CACNA2D1: variants seen among roughly 807,000 people sequenced by gnomAD.
CACNA2D1 encodes the protein voltage-dependent calcium channel subunit alpha-2/delta-1.
Under a neutral mutation model 171.5 loss-of-function variants are expected in CACNA2D1, and 53 were observed. The ratio of observed to expected loss-of-function variants is 0.31; its 90% confidence interval spans 0.25 to 0.39. CACNA2D1 has a LOEUF of 0.39. Among genes scored for constraint, CACNA2D1 ranks in the 10% least tolerant of loss-of-function variants. The pLI is 1.00. For synonymous variants in CACNA2D1, 442 were observed against 443.1 expected (o/e 1.00, Z 0.03); for missense variants, 903 against 1,299.8 (o/e 0.69, Z 4.69).
chr7:82,207,189 A>G (rs924867198), intron 3 of CACNA2D1, among the ~76,000 whole-genome samples: 4 of 152,194 alleles, frequency 2.6e-5, no homozygotes, highest in Non-Finnish European at 5.9e-5. Context: ...GGGAGCTGGT[A>G]GGTGTCAGAG....
intron 10 of CACNA2D1, among the ~76,000 whole-genome samples, chr7:82,042,941 T>C (rs969865696): frequency 1.3e-5 from 2 of 152,204 alleles, no homozygotes; most frequent in East Asian, 1.9e-4. Flanking sequence ...CTCTATTGGA[T>C]TATTAGCCCA....
Position 81,969,007 on chromosome 7 carries a change from A to G in CACNA2D1, c.2309-34T>C, listed in dbSNP as rs187344247. ...AAAATAAATAAATAAAACACCTATC[A>G]AGATATATTGAATAATAATATTGAT... On this transcript the variant is annotated intron_variant, in intron 28 of 38. Transcript: ENST00000356860. 4 of 1,120,546 alleles carry G rather than the reference A, an allele frequency of 3.6e-6. No individual in the cohort carries two copies. The African/African-American group carries it at 4.7e-5, about 13-fold the overall frequency. The allele number at this position is 1,120,546 out of a possible 1,614,324, so 69.4% of individuals were successfully genotyped here.
chr7:82,443,802 T>A, upstream of CACNA2D1: 2 of 907,050 alleles, frequency 2.2e-6, no homozygotes, highest in Non-Finnish European at 2.9e-6. Context: ...CCTCCCTGAT[T>A]TATTCCCCCG....
chr7:82,014,397 T>A lies in CACNA2D1; in HGVS notation c.1222+4A>T, dbSNP rs79571328. 391 of 1,505,462 alleles carry A rather than the reference T, an allele frequency of 2.6e-4. No individual in the cohort carries two copies. Among genetic ancestry groups the A allele is most frequent in the Non-Finnish European group, 3.4e-4 (366 of 1,081,270 alleles). 93.3% of individuals were successfully genotyped at this position (1,505,462 alleles called of 1,614,324 possible). On this transcript the variant is annotated splice_donor_region_variant and intron_variant, in intron 13 of 38. Coordinates refer to ENST00000356860, the MANE Select transcript of CACNA2D1 (RefSeq NM_000722.4). ...AATTTATTAGAAGAAAACAGATTTG[T>A]TACCTTTGTTTTCACAGGCCATCCA... is the stretch of plus-strand genomic sequence containing the variant.
chr7:82,192,474 G>T (rs369511466), intron 3 of CACNA2D1, among the ~76,000 whole-genome samples: 2 of 13,018 alleles, frequency 1.5e-4, no homozygotes, highest in Non-Finnish European at 3.3e-4. Flanking sequence ...GTGTGTGTGT[G>T]TGTGTGTGTG....
chr7:82,246,681 A>G (rs776558057), intron 3 of CACNA2D1, among the ~76,000 whole-genome samples: 5 of 152,178 alleles, frequency 3.3e-5, no homozygotes, highest in Non-Finnish European at 7.3e-5. Context: ...AGTTCACCCA[A>G]TAGCTAGTTG....
intron 7 of CACNA2D1, among the ~76,000 whole-genome samples, chr7:82,077,445 G>A (rs1809117585): frequency 6.6e-6 from 1 of 152,132 alleles, no homozygotes; most frequent in African/African-American, 2.4e-5. Flanking sequence ...AGACTCTAAG[G>A]CAGAGCCCAT....
At chr7:82,374,753 T>TA (rs1012961025) in intron 1 of CACNA2D1, among the ~76,000 whole-genome samples, 8 of 127,286 alleles carry the variant, frequency 6.3e-5, no homozygotes, top group African/African-American at 2.2e-4. Context: ...TTTGAAAATT[T>TA]AAAAAAAGAA....
intron 6 of CACNA2D1, among the ~76,000 whole-genome samples, chr7:82,092,383 T>C (rs1251898835): frequency 6.6e-6 from 1 of 152,036 alleles, no homozygotes; most frequent in Non-Finnish European, 1.5e-5. Flanking sequence ...GTCATTTTTT[T>C]TTTCTTGAGA....
intron 7 of CACNA2D1, among the ~76,000 whole-genome samples, chr7:82,077,154 A>G (rs1186487441): frequency 1.3e-5 from 2 of 152,320 alleles, no homozygotes; most frequent in African/African-American, 4.8e-5. Flanking sequence ...AAAGGCAGAA[A>G]CAACTTGTTA....
chr7:82,398,113 A>G (rs1164112343), intron 1 of CACNA2D1, among the ~76,000 whole-genome samples: 1 of 152,224 alleles, frequency 6.6e-6, no homozygotes, highest in East Asian at 1.9e-4. Flanking sequence ...AAACATTTAG[A>G]CTGTATGATG....
At position 82,311,236 on chromosome 7, in the gene CACNA2D1, G is replaced by A. The variant is rs1814426248; in HGVS notation, c.294+23899C>T. Among the ~76,000 whole-genome samples the A allele has an allele frequency of 2.6e-5, 4 of 151,840 alleles. No individual in the cohort carries two copies. In the South Asian group the frequency reaches 8.3e-4, roughly 32 times the overall value. ...TGCTTTTTGTCCATAAAAGCTTTTT[G>A]CAAATCCTAAAATGGTATGTCTTCA... On this transcript the variant is annotated intron_variant, in intron 3 of 38. Transcript: ENST00000356860.
chr7:82,003,110 T>C (rs958907212), intron 18 of CACNA2D1, among the ~76,000 whole-genome samples: 2 of 152,148 alleles, frequency 1.3e-5, no homozygotes, highest in Non-Finnish European at 2.9e-5. Context: ...TCAATCTGTA[T>C]AGCGTGCTCC....
intron 7 of CACNA2D1, among the ~76,000 whole-genome samples, chr7:82,079,173 A>G (rs1809373834): frequency 6.6e-6 from 1 of 152,190 alleles, no homozygotes; most frequent in Non-Finnish European, 1.5e-5. Context: ...GAAAATCATG[A>G]GAGTACTCTA....
At chr7:82,112,396 T>C (rs540381725) in intron 6 of CACNA2D1, among the ~76,000 whole-genome samples, 8 of 152,326 alleles carry the variant, frequency 5.3e-5, no homozygotes, top group African/African-American at 1.9e-4. Context: ...CAAAATATAT[T>C]TGATGACGCA....
At chr7:82,342,470 G>T (rs1383801267) in intron 2 of CACNA2D1, among the ~76,000 whole-genome samples, 1 of 152,116 alleles carries the variant, frequency 6.6e-6, no homozygotes, top group Non-Finnish European at 1.5e-5. Flanking sequence ...CTTCTTCCCT[G>T]TATTTTAAAA....
chr7:82,409,320 A>G (rs1424484013), intron 1 of CACNA2D1, among the ~76,000 whole-genome samples: 2 of 152,180 alleles, frequency 1.3e-5, no homozygotes, highest in Non-Finnish European at 2.9e-5. Context: ...CAAGCCAAAT[A>G]TATGTGGATG....
At chr7:82,428,250 A>G (rs543457526) in intron 1 of CACNA2D1, among the ~76,000 whole-genome samples, 173 of 152,326 alleles carry the variant, frequency 1.1e-3, no homozygotes, top group African/African-American at 4.0e-3. Context: ...ATCCATTTAA[A>G]TTATAGGAGA....
intron 3 of CACNA2D1, among the ~76,000 whole-genome samples, chr7:82,334,246 G>A (rs994286296): frequency 2.0e-5 from 3 of 152,100 alleles, no homozygotes; most frequent in Admixed American, 6.6e-5. Flanking sequence ...GGTCTGAATT[G>A]ATACGATTAT....
Sources: allele counts gnomAD v4.1 joint callset (sites outside exome capture counted in the v4.1 genomes callset), GRCh38; gene constraint gnomAD v4.1.1; transcripts MANE v1.5; gene names NCBI Gene and HGNC (gene_info 2026-07-23, HGNC 2026-07-21).